The following NALCN variants were observed in gnomAD, a reference collection of about 807,000 sequenced individuals.
NALCN encodes the protein sodium leak channel, non-selective.
A neutral mutation model predicts 225.3 loss-of-function variants in NALCN; 111 were observed. That is an observed-to-expected ratio of 0.49 (90% CI 0.42 to 0.58). The LOEUF (loss-of-function observed/expected upper bound fraction) is 0.58, where lower values mean the gene tolerates loss of function less well. Among genes scored for constraint, NALCN ranks in the 20% least tolerant of loss-of-function variants. The pLI is 0.00. For missense variants in NALCN, 1,378 were observed against 2,202.4 expected, an observed-to-expected ratio of 0.63 and a Z score of 7.49; for synonymous variants, 764 against 769.0, an observed-to-expected ratio of 0.99 and a Z score of 0.11.
chr13:101,234,857 A>G (rs1594496029), intron 12 of NALCN, among the ~76,000 whole-genome samples: 1 of 89,318 alleles, frequency 1.1e-5, no homozygotes, highest in Admixed American at 1.2e-4. Context: ...TCTATCATCT[A>G]CCTATCTATC....
chr13:101,281,895 T>C (rs1036722567), intron 10 of NALCN, among the ~76,000 whole-genome samples: 1 of 151,992 alleles, frequency 6.6e-6, no homozygotes, highest in Non-Finnish European at 1.5e-5. Flanking sequence ...GGCCAATAGG[T>C]ATATGAAAAA....
At chr13:101,334,366 GGGGA>G (rs2045292094) in intron 7 of NALCN, among the ~76,000 whole-genome samples, 1 of 83,744 alleles carries the variant, frequency 1.2e-5, no homozygotes, top group Non-Finnish European at 2.2e-5. Context: ...ATGGGGGTAG[GGGGA>G]GCGGTAGGAG....
chr13:101,315,685 T>A (rs1305062512), intron 7 of NALCN, among the ~76,000 whole-genome samples: 1 of 152,204 alleles, frequency 6.6e-6, no homozygotes, highest in Non-Finnish European at 1.5e-5. Context: ...AACTAGTGTC[T>A]AATCATAATG....
At chr13:101,378,757 T>A in intron 3 of NALCN, 104 bp from the exon 4 acceptor site, 1 of 940,234 alleles carries the variant, frequency 1.1e-6, no homozygotes. Flanking sequence ...CTATCTACAA[T>A]TTTTGTATCA....
intron 15 of NALCN, among the ~76,000 whole-genome samples, chr13:101,149,848 A>T (rs1429562603): frequency 6.6e-6 from 1 of 152,192 alleles, no homozygotes; most frequent in African/African-American, 2.4e-5. Flanking sequence ...ATTAAGAGAG[A>T]AGCAGCATCA....
chr13:101,218,646 T>C (rs1271063466), intron 13 of NALCN, among the ~76,000 whole-genome samples: 1 of 152,158 alleles, frequency 6.6e-6, no homozygotes, highest in Non-Finnish European at 1.5e-5. Context: ...ATCTTCTCAG[T>C]GCTGTTCTCA....
chr13:101,333,627 C>G (rs540751825), intron 7 of NALCN, among the ~76,000 whole-genome samples: 1 of 152,328 alleles, frequency 6.6e-6, no homozygotes, highest in Non-Finnish European at 1.5e-5. Context: ...GGCTCACAAG[C>G]TGGAACATGG....
intron 10 of NALCN, among the ~76,000 whole-genome samples, chr13:101,273,758 A>T (rs1289043450): frequency 1.3e-5 from 2 of 151,712 alleles, no homozygotes; most frequent in Admixed American, 6.6e-5. Context: ...GGTGGCAGGC[A>T]CCTGTAGACC....
Position 101,344,730 on chromosome 13 carries a change from T to G in NALCN, c.799+536A>C, listed in dbSNP as rs2045661568. On this transcript the variant is annotated intron_variant, in intron 7 of 43. Transcript: ENST00000251127. Reference sequence around the variant, plus strand: ...GCAAGCCAAGAAGAATGTACACATTTGAGCACATAGTTCTCATGCACAAGC... The same window carrying G: ...GCAAGCCAAGAAGAATGTACACATTGGAGCACATAGTTCTCATGCACAAGC... Among the ~76,000 whole-genome samples, 3 of 152,240 alleles carry G rather than the reference T, an allele frequency of 2.0e-5. No homozygotes were observed. The South Asian group carries it at 6.2e-4, about 31-fold the overall frequency.
At chr13:101,069,787 C>A (rs1302524083) in intron 37 of NALCN, among the ~76,000 whole-genome samples, 1 of 152,164 alleles carries the variant, frequency 6.6e-6, no homozygotes, top group Admixed American at 6.5e-5. Flanking sequence ...GCATCTTCTG[C>A]AAGAGTAGAT....
intron 6 of NALCN, among the ~76,000 whole-genome samples, chr13:101,354,922 G>C (rs2046007117): frequency 6.6e-6 from 1 of 152,160 alleles, no homozygotes; most frequent in Non-Finnish European, 1.5e-5. Flanking sequence ...CTCAGCGCTG[G>C]AGGTGGGGCC....
chr13:101,403,324 C>T (rs1479456110), intron 1 of NALCN, among the ~76,000 whole-genome samples: 1 of 152,216 alleles, frequency 6.6e-6, no homozygotes, highest in Non-Finnish European at 1.5e-5. Flanking sequence ...TTTGTACCTG[C>T]ACTTCCTTTC....
rs1158771233 is a variant in NALCN, at chr13:101,068,789, G to A, written c.4236C>T (p.Tyr1412=). The change falls in exon 38 of 44, where the codon TAC becomes TAT. Residue 1412 remains tyrosine, a synonymous_variant. Coordinates refer to ENST00000251127, the MANE Select transcript of NALCN (RefSeq NM_052867.4). ...CATAATTTCCACAGTCTGTTGCCCAGTATGTAAATTCATCTGGAGTACAAA... is the reference window on the plus strand; with the variant it reads ...CATAATTTCCACAGTCTGTTGCCCAATATGTAAATTCATCTGGAGTACAAA... ...PPFCTPDEFT[Y]WATDCGNYAG... 3.1e-6 allele frequency: 5 copies of A among 1,611,920 alleles called. No individual in the cohort carries two copies. The highest frequency in any genetic ancestry group is 4.2e-6 in the Non-Finnish European group (5 of 1,179,150).
At chr13:101,344,598 A>G (rs1402135433) in intron 7 of NALCN, among the ~76,000 whole-genome samples, 1 of 152,206 alleles carries the variant, frequency 6.6e-6, no homozygotes, top group Non-Finnish European at 1.5e-5. Context: ...TAATAATATA[A>G]TATGCGCAAC....
chr13:101,079,353 T>A (rs2033474225), intron 34 of NALCN, among the ~76,000 whole-genome samples: 1 of 152,216 alleles, frequency 6.6e-6, no homozygotes. Context: ...GACTGCAAGG[T>A]CCTAAGAGGT....
intron 15 of NALCN, among the ~76,000 whole-genome samples, chr13:101,161,383 T>A (rs926012832): frequency 1.4e-4 from 22 of 152,204 alleles, no homozygotes; most frequent in African/African-American, 5.1e-4. Flanking sequence ...GTTTCTTAAC[T>A]CAGTTAATGA....
At chr13:101,285,114 C>T (rs1021229661) in intron 9 of NALCN, among the ~76,000 whole-genome samples, 2 of 152,096 alleles carry the variant, frequency 1.3e-5, no homozygotes, top group Admixed American at 6.5e-5. Flanking sequence ...GAAGGGGTAA[C>T]TGCTGATGGA....
At chr13:101,272,596 C>A (rs181764760) in intron 10 of NALCN, among the ~76,000 whole-genome samples, 4 of 152,060 alleles carry the variant, frequency 2.6e-5, no homozygotes, top group Admixed American at 2.0e-4. Context: ...GAGAATGAGT[C>A]AAAAAATATC....
chr13:101,183,249 A>G (rs968226458), intron 14 of NALCN, among the ~76,000 whole-genome samples: 4 of 152,210 alleles, frequency 2.6e-5, no homozygotes, highest in African/African-American at 9.7e-5. Context: ...AGGTTTTTCT[A>G]TAGCCACTAA....
Sources: allele counts gnomAD v4.1 joint callset (sites outside exome capture counted in the v4.1 genomes callset), GRCh38; gene constraint gnomAD v4.1.1; transcripts MANE v1.5; gene names NCBI Gene and HGNC (gene_info 2026-07-23, HGNC 2026-07-21).